The following NRXN1 variants were observed in gnomAD, a reference collection of about 807,000 sequenced individuals.
NRXN1 encodes the protein neurexin 1, also known as neurexin-1.
Under a neutral mutation model 150.9 loss-of-function variants are expected in NRXN1, and 39 were observed. The ratio of observed to expected loss-of-function variants is 0.26; its 90% CI spans 0.20 to 0.34. The LOEUF (loss-of-function observed/expected upper bound fraction) is 0.34, where lower values mean the gene tolerates loss of function less well. Ranked by LOEUF, NRXN1 falls within the 10% of genes least tolerant of loss-of-function variation. The pLI is 1.00. For missense variants in NRXN1, 1,815 were observed against 1,949.9 expected, an observed-to-expected ratio of 0.93 and a Z score of 1.30; for synonymous variants, 924 against 757.0, an observed-to-expected ratio of 1.22 and a Z score of -3.62.
intron 5 of NRXN1, among the ~76,000 whole-genome samples, chr2:50,870,864 C>T (rs1479110731): frequency 6.6e-6 from 1 of 151,774 alleles, no homozygotes; most frequent in Non-Finnish European, 1.5e-5. Context: ...GTGGTTAGGA[C>T]CTATGTCTTG....
intron 21 of NRXN1, among the ~76,000 whole-genome samples, chr2:50,030,390 C>G (rs1394076863): frequency 6.6e-6 from 1 of 152,054 alleles, no homozygotes; most frequent in Non-Finnish European, 1.5e-5. Context: ...GCCCCCATCT[C>G]CCAGTCTCTG....
chr2:50,321,048 G>A (rs998192922), intron 17 of NRXN1, among the ~76,000 whole-genome samples: 4 of 152,166 alleles, frequency 2.6e-5, no homozygotes, highest in African/African-American at 9.7e-5. Flanking sequence ...CTGGAAAGCT[G>A]AGGAAGCAAA....
At chr2:50,891,178 C>G (rs555998918) in intron 5 of NRXN1, among the ~76,000 whole-genome samples, 3 of 151,958 alleles carry the variant, frequency 2.0e-5, no homozygotes, top group Non-Finnish European at 4.4e-5. Context: ...ATCTATGCTT[C>G]TGTCTTTCAA....
intron 17 of NRXN1, among the ~76,000 whole-genome samples, chr2:50,358,461 G>T (rs1040727173): frequency 1.3e-5 from 2 of 152,164 alleles, no homozygotes; most frequent in African/African-American, 2.4e-5. Flanking sequence ...AACAAAGCTC[G>T]TGGGAAGTTT....
intron 5 of NRXN1, among the ~76,000 whole-genome samples, chr2:50,877,028 A>G (rs1678699677): frequency 1.3e-5 from 2 of 151,966 alleles, no homozygotes; most frequent in South Asian, 4.1e-4. Context: ...CTTAATTTTT[A>G]TTGAACTATT....
chr2:50,197,525 C>A lies in NRXN1; in HGVS notation c.3546+39264G>T, dbSNP rs111447486. ...CGTTACAGAGATTGAAGTAACGCAT[C>A]TTTCCCCTTTTACACTATTATATTT... On this transcript the variant is annotated intron_variant, in intron 18 of 22. Transcript: ENST00000401669. 2.9e-3 allele frequency among the ~76,000 whole-genome samples: 441 copies of A among 152,224 alleles called. 5 individuals carry two copies. The highest frequency in any genetic ancestry group is 0.01 in the African/African-American group (421 of 41,572).
intron 18 of NRXN1, among the ~76,000 whole-genome samples, chr2:50,163,298 A>G (rs2059478589): frequency 6.6e-6 from 1 of 151,914 alleles, no homozygotes; most frequent in South Asian, 2.1e-4. Context: ...AACTGCTTCA[A>G]TGGCAATCAA....
At chr2:50,520,300 T>G (rs998096923) in intron 12 of NRXN1, among the ~76,000 whole-genome samples, 2 of 151,940 alleles carry the variant, frequency 1.3e-5, no homozygotes, top group African/African-American at 4.8e-5. Context: ...AGCCTGTAAA[T>G]TAATTTAAAA....
At chr2:50,893,534 G>T (rs1473331378) in intron 5 of NRXN1, among the ~76,000 whole-genome samples, 1 of 152,052 alleles carries the variant, frequency 6.6e-6, no homozygotes, top group Non-Finnish European at 1.5e-5. Flanking sequence ...ATTCTTCTTA[G>T]AAGCTATTCT....
chr2:50,845,876 A>G, intron 5 of NRXN1, among the ~76,000 whole-genome samples: 1 of 152,208 alleles, frequency 6.6e-6, no homozygotes, highest in East Asian at 1.9e-4. Flanking sequence ...AAACCAGAAA[A>G]TTTATGTGAA....
chr2:50,306,912 T>C (rs2152959158), intron 17 of NRXN1, among the ~76,000 whole-genome samples: 1 of 152,342 alleles, frequency 6.6e-6, no homozygotes, highest in Middle Eastern at 3.4e-3. Flanking sequence ...ACAATATGCA[T>C]GTCATATATT....
intron 2 of NRXN1, among the ~76,000 whole-genome samples, chr2:51,002,906 G>A (rs1310455483): frequency 6.6e-6 from 1 of 151,796 alleles, no homozygotes; most frequent in East Asian, 2.0e-4. Flanking sequence ...AAAATTCTAT[G>A]GATTAAGTAA....
intron 18 of NRXN1, among the ~76,000 whole-genome samples, chr2:50,128,839 C>T (rs1004410132): frequency 1.3e-5 from 2 of 151,476 alleles, no homozygotes; most frequent in African/African-American, 2.4e-5. Context: ...AAAAATTAAC[C>T]GGGCATGGTG....
chr2:50,315,554 C>T (rs1025212028), intron 17 of NRXN1, among the ~76,000 whole-genome samples: 5 of 152,090 alleles, frequency 3.3e-5, no homozygotes, highest in Non-Finnish European at 5.9e-5. Flanking sequence ...CACTTCTCTC[C>T]CAGCCCACAC....
At chr2:50,005,882 G>A (rs775219423) in intron 21 of NRXN1, among the ~76,000 whole-genome samples, 181 of 152,178 alleles carry the variant, frequency 1.2e-3, no homozygotes, top group Non-Finnish European at 2.1e-3. Context: ...CCCTTTTAAT[G>A]TTAGCATTTT....
chr2:50,964,928 T>C (rs1558501884), intron 2 of NRXN1, among the ~76,000 whole-genome samples: 1 of 151,510 alleles, frequency 6.6e-6, no homozygotes, highest in African/African-American at 2.4e-5. Context: ...GAATTTTTGT[T>C]GAGCCTAAGT....
At chr2:50,248,855 A>C (rs1559167828) in intron 17 of NRXN1, among the ~76,000 whole-genome samples, 1 of 152,024 alleles carries the variant, frequency 6.6e-6, no homozygotes, top group Non-Finnish European at 1.5e-5. Flanking sequence ...AGAAATTGGC[A>C]TACGTTTTGG....
At chr2:50,266,572 CAT>C (rs1000688313) in intron 17 of NRXN1, among the ~76,000 whole-genome samples, 3 of 50,496 alleles carry the variant, frequency 5.9e-5, no homozygotes, top group East Asian at 3.3e-4. Flanking sequence ...CACACACACA[CAT>C]ATTTTCTTTC....
chr2:51,016,306 T>C (rs1172441897), intron 2 of NRXN1, among the ~76,000 whole-genome samples: 1 of 152,100 alleles, frequency 6.6e-6, no homozygotes, highest in Non-Finnish European at 1.5e-5. Context: ...CAAACTACCA[T>C]CAGAGTGACA....
Sources: gnomAD v4.1 joint callset for allele counts (sites outside exome capture counted in the v4.1 genomes callset) on GRCh38, gnomAD v4.1.1 for gene constraint, MANE v1.5 for transcripts, NCBI Gene and HGNC (gene_info 2026-07-23, HGNC 2026-07-21) for gene names.